Variants in PRKCA observed in about 807,000 individuals in gnomAD.
PRKCA encodes the protein protein kinase C alpha.
A neutral mutation model predicts 87.0 loss-of-function variants in PRKCA; 27 were observed. The observed-to-expected ratio is 0.31, with a 90% confidence interval of 0.23 to 0.43. The LOEUF (loss-of-function observed/expected upper bound fraction) is 0.43, where lower values mean the gene tolerates loss of function less well. Among genes scored for constraint, PRKCA ranks in the 20% least tolerant of loss-of-function variants. The pLI, the probability that PRKCA is intolerant of heterozygous loss-of-function variation, is 1.00. For missense variants in PRKCA, 518 were observed against 852.3 expected, an observed-to-expected ratio of 0.61 and a Z score of 4.88; for synonymous variants, 329 against 311.1, an observed-to-expected ratio of 1.06 and a Z score of -0.61.
At chr17:66,424,835 A>G (rs1336081797) in intron 2 of PRKCA, among the ~76,000 whole-genome samples, 1 of 147,842 alleles carries the variant, frequency 6.8e-6, no homozygotes, top group Non-Finnish European at 1.5e-5. Context: ...TTGCAGCCTC[A>G]ACCACCCGGG....
At chr17:66,465,686 C>T (rs76693071) in intron 2 of PRKCA, among the ~76,000 whole-genome samples, 9,660 of 152,072 alleles carry the variant, frequency 0.064, 1,019 homozygotes, top group African/African-American at 0.22. Context: ...AGAGGGGAGC[C>T]ACTGTGCCTG....
intron 13 of PRKCA, among the ~76,000 whole-genome samples, chr17:66,771,510 A>C (rs1196290925): frequency 6.6e-6 from 1 of 152,264 alleles, no homozygotes; most frequent in African/African-American, 2.4e-5. Context: ...TATCACACCT[A>C]GAAAAAAATA....
intron 2 of PRKCA, among the ~76,000 whole-genome samples, chr17:66,358,383 T>G (rs548114603): frequency 2.0e-5 from 3 of 152,178 alleles, no homozygotes; most frequent in Non-Finnish European, 2.9e-5. Context: ...CTGCATAATG[T>G]GTAAGTCCTT....
At chr17:66,649,050 A>T (rs562151150) in intron 5 of PRKCA, among the ~76,000 whole-genome samples, 1 of 151,200 alleles carries the variant, frequency 6.6e-6, no homozygotes, top group South Asian at 2.1e-4. Flanking sequence ...TGAGCCCGAG[A>T]TTGTGCCACT....
At chr17:66,422,320 G>T (rs145397434) in intron 2 of PRKCA, among the ~76,000 whole-genome samples, 3 of 152,172 alleles carry the variant, frequency 2.0e-5, no homozygotes, top group Non-Finnish European at 4.4e-5. Context: ...TACATTGGCA[G>T]TTCTGTTTCA....
At chr17:66,313,023 G>T (rs1453849592) in intron 2 of PRKCA, among the ~76,000 whole-genome samples, 2 of 152,114 alleles carry the variant, frequency 1.3e-5, no homozygotes, top group Non-Finnish European at 2.9e-5. Context: ...ACAGGCGTGA[G>T]CTCCCGCGCC....
intron 3 of PRKCA, among the ~76,000 whole-genome samples, chr17:66,589,711 A>G (rs550641042): frequency 6.6e-6 from 1 of 152,224 alleles, no homozygotes; most frequent in African/African-American, 2.4e-5. Context: ...AAACTTACTG[A>G]GCATGAATTG....
chr17:66,591,184 G>T (rs1969792749), intron 3 of PRKCA, among the ~76,000 whole-genome samples: 1 of 152,126 alleles, frequency 6.6e-6, no homozygotes, highest in Non-Finnish European at 1.5e-5. Context: ...ACAGGGTCTT[G>T]CCCTGTTACC....
At chr17:66,596,658 C>A (rs1243552181) in intron 3 of PRKCA, among the ~76,000 whole-genome samples, 7 of 107,658 alleles carry the variant, frequency 6.5e-5, no homozygotes, top group African/African-American at 2.4e-4. Context: ...TATACATGTG[C>A]CATGCTGGTG....
intron 8 of PRKCA, among the ~76,000 whole-genome samples, chr17:66,728,795 C>T (rs116957371): frequency 0.025 from 3,741 of 152,248 alleles, 48 homozygotes; most frequent in Non-Finnish European, 0.03. Context: ...AGGAGGAAGG[C>T]GGAATGACTG....
intron 2 of PRKCA, among the ~76,000 whole-genome samples, chr17:66,316,139 G>A (rs1029193183): frequency 1.3e-5 from 2 of 152,164 alleles, no homozygotes; most frequent in African/African-American, 2.4e-5. Flanking sequence ...AGAGGGATGA[G>A]AGTGACTCAC....
chr17:66,674,538 A>G (rs1351070224), intron 5 of PRKCA, among the ~76,000 whole-genome samples: 1 of 152,244 alleles, frequency 6.6e-6, no homozygotes, highest in East Asian at 1.9e-4. Context: ...CCAACCCATC[A>G]GAACCAATGC....
intron 8 of PRKCA, among the ~76,000 whole-genome samples, chr17:66,702,851 A>G (rs1598884461): frequency 6.6e-6 from 1 of 152,218 alleles, no homozygotes; most frequent in African/African-American, 2.4e-5. Flanking sequence ...TATTGCTTCT[A>G]TGCTATAAAC....
chr17:66,737,820 C>A (rs1974071981), intron 10 of PRKCA, among the ~76,000 whole-genome samples: 1 of 152,222 alleles, frequency 6.6e-6, no homozygotes. Flanking sequence ...GCCTGTAACC[C>A]TGGTTACCCT....
At chr17:66,381,104 T>TA (rs1909753680) in intron 2 of PRKCA, among the ~76,000 whole-genome samples, 1 of 151,918 alleles carries the variant, frequency 6.6e-6, no homozygotes, top group Admixed American at 6.6e-5. Context: ...CACGCCCAGC[T>TA]AAGTTTTATA....
intron 3 of PRKCA, among the ~76,000 whole-genome samples, chr17:66,514,264 G>A (rs938373408): frequency 1.3e-5 from 2 of 152,216 alleles, no homozygotes; most frequent in Non-Finnish European, 2.9e-5. Context: ...ATAAAAGGGC[G>A]ACTGTACTTG....
At chr17:66,572,713 T>A (rs1269152940) in intron 3 of PRKCA, among the ~76,000 whole-genome samples, 4 of 152,110 alleles carry the variant, frequency 2.6e-5, no homozygotes, top group African/African-American at 7.2e-5. Context: ...CCCAGGCTGG[T>A]CTCAAACTTC....
intron 2 of PRKCA, among the ~76,000 whole-genome samples, chr17:66,410,423 G>A (rs1911713420): frequency 6.6e-6 from 1 of 152,178 alleles, no homozygotes; most frequent in Admixed American, 6.5e-5. Flanking sequence ...TTCCTTGTTT[G>A]AGGGATCTTT....
At chr17:66,697,918 C>A (rs1201423694) in intron 8 of PRKCA, among the ~76,000 whole-genome samples, 1 of 152,128 alleles carries the variant, frequency 6.6e-6, no homozygotes. Flanking sequence ...TTTCAGGACA[C>A]CATCCTAGGG....
Sources: gnomAD v4.1 joint callset for allele counts (sites outside exome capture counted in the v4.1 genomes callset) on GRCh38, gnomAD v4.1.1 for gene constraint, MANE v1.5 for transcripts, NCBI Gene and HGNC (gene_info 2026-07-23, HGNC 2026-07-21) for gene names.